The following FOXN3 variants were observed in gnomAD, a reference collection of about 807,000 sequenced individuals.
FOXN3 encodes the protein forkhead box N3, also known as forkhead box protein N3.
Under a neutral mutation model 38.4 loss-of-function variants are expected in FOXN3, and 7 were observed. The observed-to-expected ratio is 0.18, with a 90% CI of 0.10 to 0.34. The LOEUF is 0.34. Among genes scored for constraint, FOXN3 ranks in the 10% least tolerant of loss-of-function variants. The probability of loss-of-function intolerance (pLI) is 1.00; values close to 1 mark genes in which losing one functional copy is unlikely to be tolerated. For synonymous variants in FOXN3, 230 were observed against 242.2 expected (o/e 0.95, Z 0.47); for missense variants, 456 against 613.4 (o/e 0.74, Z 2.71).
At chr14:89,252,371 T>C (rs567114207) in intron 4 of FOXN3, among the ~76,000 whole-genome samples, 1 of 152,192 alleles carries the variant, frequency 6.6e-6, no homozygotes, top group South Asian at 2.1e-4. Flanking sequence ...AATCAGGAAA[T>C]TGGCTGGGTG....
chr14:89,367,098 TG>T (rs911424331), intron 2 of FOXN3, among the ~76,000 whole-genome samples: 2 of 152,216 alleles, frequency 1.3e-5, no homozygotes, highest in Admixed American at 6.5e-5. Flanking sequence ...ACACAGACAC[TG>T]GGTTGTTTGG....
At chr14:89,188,951 T>C (rs3783878) in intron 4 of FOXN3, among the ~76,000 whole-genome samples, 123,466 of 152,108 alleles carry the variant, frequency 0.81, 50,276 homozygotes, top group African/African-American at 0.86. Flanking sequence ...CAGTGACACA[T>C]CTGCTTAGCA....
intron 1 of FOXN3, among the ~76,000 whole-genome samples, chr14:89,468,528 T>C (rs932703403): frequency 9.9e-5 from 15 of 152,156 alleles, no homozygotes; most frequent in African/African-American, 3.4e-4. Context: ...AATTTCTAAC[T>C]ACAGTATGAT....
chr14:89,478,650 G>A (rs913181386), intron 1 of FOXN3, among the ~76,000 whole-genome samples: 5 of 151,858 alleles, frequency 3.3e-5, no homozygotes, highest in African/African-American at 1.2e-4. Flanking sequence ...CCACAACACC[G>A]ACTGAGCACA....
At chr14:89,533,609 C>A (rs1019604580) in intron 1 of FOXN3, among the ~76,000 whole-genome samples, 1 of 125,250 alleles carries the variant, frequency 8.0e-6, no homozygotes, top group Non-Finnish European at 1.6e-5. Flanking sequence ...TTGCAGTGAG[C>A]GGAGATCGCA....
At chr14:89,242,988 T>C (rs1379751387) in intron 4 of FOXN3, among the ~76,000 whole-genome samples, 1 of 152,242 alleles carries the variant, frequency 6.6e-6, no homozygotes, top group African/African-American at 2.4e-5. Context: ...ACATTCTTTA[T>C]GCCCAAGTTT....
chr14:89,392,637 CT>C (rs71130072), intron 2 of FOXN3, among the ~76,000 whole-genome samples: 18,035 of 116,814 alleles, frequency 0.15, 763 homozygotes, highest in South Asian at 0.26. Context: ...TGTGTCTCGT[CT>C]TTTTTTTTTT....
chr14:89,325,338 CACCACCACCACCACCACCACCACT>C (rs1888040725), intron 3 of FOXN3, among the ~76,000 whole-genome samples: 13 of 143,120 alleles, frequency 9.1e-5, no homozygotes, highest in Admixed American at 8.9e-4. Context: ...CCACCACCAC[CACCACCACCACCACCACCACCACT>C]ACCACCACCG....
chr14:89,311,821 G>A (rs955881795), intron 3 of FOXN3, among the ~76,000 whole-genome samples: 7 of 152,074 alleles, frequency 4.6e-5, no homozygotes, highest in South Asian at 4.2e-4. Flanking sequence ...GCGAGACTCC[G>A]TCTCAAAAAA....
At chr14:89,576,029 C>A (rs191445670) in intron 1 of FOXN3, among the ~76,000 whole-genome samples, 1 of 152,314 alleles carries the variant, frequency 6.6e-6, no homozygotes, top group East Asian at 1.9e-4. Context: ...TCGCTGACAT[C>A]GTAAGTGACT....
chr14:89,585,095 G>T (rs1273382231), intron 1 of FOXN3, among the ~76,000 whole-genome samples: 1 of 152,030 alleles, frequency 6.6e-6, no homozygotes, highest in African/African-American at 2.4e-5. Flanking sequence ...TCCTCTTTGT[G>T]TACCATTCAG....
chr14:89,356,880 G>A (rs1238844169), intron 2 of FOXN3, among the ~76,000 whole-genome samples: 1 of 152,194 alleles, frequency 6.6e-6, no homozygotes, highest in African/African-American at 2.4e-5. Context: ...TACCTGCTAG[G>A]AAGGAAACAG....
upstream of FOXN3, among the ~76,000 whole-genome samples, chr14:89,421,380 T>G (rs956682137): frequency 6.6e-6 from 1 of 151,774 alleles, no homozygotes; most frequent in African/African-American, 2.4e-5. Context: ...ACTCCTGACC[T>G]CAGGTGATCC....
intron 1 of FOXN3, among the ~76,000 whole-genome samples, chr14:89,483,491 C>G (rs987929104): frequency 6.6e-6 from 1 of 152,314 alleles, no homozygotes; most frequent in African/African-American, 2.4e-5. Flanking sequence ...TCACTGCAAC[C>G]TCTGCCTCCC....
intron 1 of FOXN3, among the ~76,000 whole-genome samples, chr14:89,569,397 C>T (rs1407823933): frequency 1.3e-5 from 2 of 152,090 alleles, no homozygotes; most frequent in African/African-American, 2.4e-5. Context: ...AGATTTCAGC[C>T]CAGCTCTGCT....
intron 1 of FOXN3, among the ~76,000 whole-genome samples, chr14:89,533,818 A>C (rs1378019555): frequency 6.6e-6 from 1 of 152,120 alleles, no homozygotes; most frequent in Non-Finnish European, 1.5e-5. Context: ...GCAACGAGAA[A>C]AGCTCCCACT....
At chr14:89,604,566 T>A (rs1248783292) in intron 1 of FOXN3, among the ~76,000 whole-genome samples, 1 of 152,056 alleles carries the variant, frequency 6.6e-6, no homozygotes, top group African/African-American at 2.4e-5. Context: ...AACAAAGGTA[T>A]AACATATGCT....
At chr14:89,285,862 A>AT (rs1566946742) in intron 3 of FOXN3, among the ~76,000 whole-genome samples, 5 of 107,260 alleles carry the variant, frequency 4.7e-5, no homozygotes, top group Non-Finnish European at 4.2e-5. Flanking sequence ...TTTTACCAAA[A>AT]ATTTTTTTTT....
Position 89,412,267 on chromosome 14 carries a change from C to T in FOXN3, c.210G>A (p.Lys70=). The change falls in exon 2 of 6, where the codon AAG becomes AAA. Residue 70 remains lysine (K), a synonymous_variant. Transcript: ENST00000557258. This position sits in a 1 kb window ranked among gnomAD's most constrained non-coding sequence, Gnocchi z 4.7. ...ACTCCCCAAAGCTCTTCAGCAAGTT[C>T]TTGCTCTCGTGCAGCCAGTTCAGGT... ...LTNLNWLHES[K]NLLKSFGESV... is the part of the protein sequence containing the mutation. 6.2e-7 allele frequency: 1 copy of T among 1,614,160 alleles called. No individual in the cohort carries two copies. Among genetic ancestry groups the T allele is most frequent in the South Asian group, 1.1e-5 (1 of 91,080 alleles).
Sources: allele counts gnomAD v4.1 joint callset (sites outside exome capture counted in the v4.1 genomes callset), GRCh38; gene constraint gnomAD v4.1.1; non-coding constraint Gnocchi (gnomAD v3.1); transcripts MANE v1.5; gene names NCBI Gene and HGNC (gene_info 2026-07-23, HGNC 2026-07-21).